CXorf38: variants seen among roughly 807,000 people sequenced by gnomAD.
CXorf38 encodes chromosome X open reading frame 38, also known as uncharacterized protein CXorf38.
Under a neutral mutation model 27.5 loss-of-function variants are expected in CXorf38, and 13 were observed. That is an observed-to-expected ratio of 0.47 (90% CI 0.31 to 0.75). The LOEUF is 0.75. Among genes scored for constraint, CXorf38 ranks in the 30% least tolerant of loss-of-function variants. The pLI is 0.05. For missense variants in CXorf38, 240 were observed against 253.2 expected, an observed-to-expected ratio of 0.95 and a Z score of 0.35; for synonymous variants, 100 against 99.8, an observed-to-expected ratio of 1.00 and a Z score of -0.01.
intron 2 of CXorf38, 45 bp downstream of exon 2, chrX:40,646,962 G>C (rs1477572502): frequency 1.7e-6 from 2 of 1,190,287 alleles, no homozygotes; most frequent in Admixed American, 4.6e-5. Context: ...CCGAGTGCTG[G>C]GTGACCCGCC....
intron 2 of CXorf38, among the ~76,000 whole-genome samples, chrX:40,645,097 C>CA (rs1928516285): frequency 9.0e-6 from 1 of 111,723 alleles, no homozygotes; most frequent in Non-Finnish European, 1.9e-5. Context: ...GGCAGGAGGA[C>CA]AGAGGGTGCT....
chrX:40,642,169 AG>A, intron 2 of CXorf38, among the ~76,000 whole-genome samples: 1 of 110,877 alleles, frequency 9.0e-6, no homozygotes. Context: ...ACAAGGAGAG[AG>A]GGGGTACTGA....
chrX:40,635,993 C>T (rs1400937162), intron 5 of CXorf38, among the ~76,000 whole-genome samples: 3 of 112,754 alleles, frequency 2.7e-5, no homozygotes, highest in Admixed American at 1.9e-4. Context: ...GCCCAAACCC[C>T]GTGGCATGGC....
rs1189100289 is a variant in CXorf38 at position 40,630,651 on chromosome X, C to A, written c.924G>T (p.Gln308His). 1 of 1,210,163 alleles carries A rather than the reference C, an allele frequency of 8.3e-7. No individual in the cohort carries two copies. The highest frequency in any genetic ancestry group is 3.0e-5 in the East Asian group (1 of 33,785). Reference protein sequence around the residue: ...SLCLHQKLDSQEPGRQTPDRK... With the variant: ...SLCLHQKLDSHEPGRQTPDRK... ...TGTCAGGTGTTTGTCTCCCAGGTTCCTGTGAATCCAGTTTTTGATGTAGAC... is the reference window on the plus strand; with the variant it reads ...TGTCAGGTGTTTGTCTCCCAGGTTCATGTGAATCCAGTTTTTGATGTAGAC... The change falls in exon 6 of 7, where the codon CAG becomes CAT. Residue 308 changes from glutamine to histidine, a missense_variant. Gln to His is a conservative substitution (Grantham distance 24, BLOSUM62 0). Coordinates refer to ENST00000327877, the MANE Select transcript of CXorf38 (RefSeq NM_144970.3).
intron 2 of CXorf38, 112 bp downstream of exon 2, chrX:40,646,895 T>G: frequency 5.7e-6 from 5 of 884,458 alleles, no homozygotes. Flanking sequence ...CCTTGATCAA[T>G]CTCTCTCTCT....
Position 40,647,086 on chromosome X carries a change from T to C in CXorf38, c.272A>G (p.His91Arg), listed in dbSNP as rs956786395. The change falls in exon 2 of 7, where the codon CAT becomes CGT. Residue 91 changes from histidine (H) to arginine (R), a missense_variant. Transcript: ENST00000327877. ...GTGCACATCTCCATTTCTGTTGACATGATGTCTCAAAATCTCCCTTTTCCA... is the reference window on the plus strand; with the variant it reads ...GTGCACATCTCCATTTCTGTTGACACGATGTCTCAAAATCTCCCTTTTCCA... Reference protein sequence around the residue: ...AEWKREILRHHVNRNGDVHWG... With the variant: ...AEWKREILRHRVNRNGDVHWG... The C allele has an allele frequency of 2.5e-6, 3 of 1,210,938 alleles. No individual in the cohort carries two copies. Among genetic ancestry groups the C allele is most frequent in the Admixed American group, 2.2e-5 (1 of 46,042 alleles).
rs1333132065 is a variant in CXorf38, at chrX:40,631,262, C to T, written c.802-489G>A. On this transcript the variant is annotated intron_variant, in intron 5 of 6. Coordinates refer to ENST00000327877, the MANE Select transcript of CXorf38 (RefSeq NM_144970.3). ...GTGTATGTATATATATATACACACA[C>T]ACACACACACACACACACACACACA... is the stretch of plus-strand genomic sequence containing the variant. 1.7e-3 allele frequency among the ~76,000 whole-genome samples: 135 copies of T among 79,716 alleles called. 1 individual carries two copies. Among genetic ancestry groups the T allele is most frequent in the Middle Eastern group, 0.012 (2 of 171 alleles). 69.2% of individuals were successfully genotyped at this position (79,716 alleles called of 115,157 possible).
intron 1 of CXorf38, 46 bp from the exon 2 acceptor site, chrX:40,647,187 G>T (rs1473552842): frequency 8.3e-7 from 1 of 1,203,435 alleles, no homozygotes; most frequent in Non-Finnish European, 1.1e-6. Context: ...GAGGGACGTC[G>T]CGGTGGGCCC....
At chrX:40,632,373 CT>C (rs959431535) in intron 5 of CXorf38, among the ~76,000 whole-genome samples, 5 of 112,320 alleles carry the variant, frequency 4.5e-5, no homozygotes, top group African/African-American at 1.6e-4. Flanking sequence ...CACTTAGTTT[CT>C]TTTCTTTTGC....
chrX:40,639,368 G>A, intron 2 of CXorf38: 2 of 285,741 alleles, frequency 7.0e-6, no homozygotes, highest in Non-Finnish European at 1.2e-5. Flanking sequence ...GATATAACAG[G>A]CTTTCCATTC....
chrX:40,638,516 A>C (rs1928173251), intron 3 of CXorf38, among the ~76,000 whole-genome samples: 1 of 112,351 alleles, frequency 8.9e-6, no homozygotes, highest in Non-Finnish European at 1.9e-5. Context: ...ACTGTTATCC[A>C]TCAGTGTTCA....
chrX:40,644,462 G>A (rs1008383627), intron 2 of CXorf38, among the ~76,000 whole-genome samples: 7 of 111,973 alleles, frequency 6.3e-5, no homozygotes, highest in Admixed American at 1.9e-4. Flanking sequence ...CACGAGTTCC[G>A]CATTCATAGA....
chrX:40,630,718 C>A lies in CXorf38; in HGVS notation c.857G>T (p.Arg286Ile). Reference sequence around the variant, plus strand: ...CTGCATATCTTCTGTAAGGCCATTTCTAAGATCCTCATTGTTTCTCAGAAA... The same window carrying A: ...CTGCATATCTTCTGTAAGGCCATTTATAAGATCCTCATTGTTTCTCAGAAA... ...KEFLRNNEDL[R>I]NGLTEDMQKL... The change falls in exon 6 of 7, where the codon AGA becomes ATA. Residue 286 changes from arginine (R) to isoleucine (I), a missense_variant. Physicochemically the swap from Arg to Ile is moderately conservative, Grantham distance 97 (BLOSUM62 -3). Transcript: ENST00000327877. 8.3e-7 allele frequency: 1 copy of A among 1,210,452 alleles called. No individual in the cohort carries two copies. Among genetic ancestry groups the A allele is most frequent in the African/African-American group, 1.7e-5 (1 of 57,770 alleles).
chrX:40,633,026 C>T (rs779706606), intron 5 of CXorf38, among the ~76,000 whole-genome samples: 3 of 111,687 alleles, frequency 2.7e-5, no homozygotes, highest in Admixed American at 9.5e-5. Flanking sequence ...AAACTCTTGG[C>T]CTTGCTTTGA....
chrX:40,630,874 G>A (rs188103606), intron 5 of CXorf38, 101 bp from the exon 6 acceptor site: 4 of 765,818 alleles, frequency 5.2e-6, no homozygotes, highest in East Asian at 3.4e-5. Flanking sequence ...TCCTACTCAC[G>A]TGCCCAAGAG....
Position 40,628,720 on chromosome X carries a change from C to CT in CXorf38, c.*1443dup, listed in dbSNP as rs1927638979. The CT allele has an allele frequency of 2.7e-5, 3 of 112,492 alleles. No individual in the cohort carries two copies. Among genetic ancestry groups the CT allele is most frequent in the Admixed American group, 9.4e-5 (1 of 10,638 alleles). The allele number at this position is 112,492 out of a possible 1,213,427, so 9.3% of individuals were successfully genotyped here. On this transcript the variant is annotated 3_prime_UTR_variant, in exon 7 of 7. Coordinates refer to ENST00000327877, the MANE Select transcript of CXorf38 (RefSeq NM_144970.3). ...GGACCAGGCTTAGCTAATAGTATAACTAACATTTAGGCCTGTGAATACTCC... is the reference window on the plus strand; with the variant it reads ...GGACCAGGCTTAGCTAATAGTATAACTTAACATTTAGGCCTGTGAATACTCC...
chrX:40,642,230 A>G (rs977548833), intron 2 of CXorf38, among the ~76,000 whole-genome samples: 3 of 111,175 alleles, frequency 2.7e-5, no homozygotes, highest in African/African-American at 9.8e-5. Context: ...GTAATGGGGA[A>G]CGGGCATAGG....
intron 4 of CXorf38, 54 bp downstream of exon 4, chrX:40,636,953 G>A (rs1485357263): frequency 6.7e-6 from 7 of 1,045,930 alleles, no homozygotes; most frequent in Non-Finnish European, 9.0e-6. Context: ...TGTGGCTGTT[G>A]TTGTTTTCTC....
intron 2 of CXorf38, among the ~76,000 whole-genome samples, chrX:40,640,593 G>A (rs942255415): frequency 9.0e-6 from 1 of 110,531 alleles, no homozygotes; most frequent in Non-Finnish European, 1.9e-5. Context: ...AGGTACAATA[G>A]CCAGTATCAT....
Sources: gnomAD v4.1 joint callset for allele counts (sites outside exome capture counted in the v4.1 genomes callset) on GRCh38, gnomAD v4.1.1 for gene constraint, MANE v1.5 for transcripts, NCBI Gene and HGNC (gene_info 2026-07-23, HGNC 2026-07-21) for gene names.